Variants in ABCD3 observed in about 807,000 individuals in gnomAD.
ABCD3 encodes ATP-binding cassette sub-family D member 3.
ABCD3 carries 41 observed loss-of-function variants against 105.5 expected under a neutral mutation model. The ratio of observed to expected loss-of-function variants is 0.39; its 90% CI spans 0.30 to 0.50. The LOEUF is 0.50. Ranked by LOEUF, ABCD3 falls within the 20% of genes least tolerant of loss-of-function variation. The probability of loss-of-function intolerance (pLI) is 0.84; values close to 1 mark genes in which losing one functional copy is unlikely to be tolerated. For missense variants in ABCD3, 622 were observed against 806.3 expected, an observed-to-expected ratio of 0.77 and a Z score of 2.77; for synonymous variants, 258 against 269.0, an observed-to-expected ratio of 0.96 and a Z score of 0.40.
chr1:94,438,855 C>G (rs935359089), intron 1 of ABCD3, among the ~76,000 whole-genome samples: 3 of 152,154 alleles, frequency 2.0e-5, no homozygotes, highest in African/African-American at 7.2e-5. Flanking sequence ...TCTATGTGCA[C>G]TGGGAAACCA....
chr1:94,455,925 A>G (rs1336095089), intron 1 of ABCD3: 3 of 932,834 alleles, frequency 3.2e-6, no homozygotes, highest in Non-Finnish European at 4.1e-6. Flanking sequence ...TGGCATTTTT[A>G]TTGAATACTA....
intron 1 of ABCD3, among the ~76,000 whole-genome samples, chr1:94,433,365 G>A (rs1197075423): frequency 1.3e-5 from 2 of 151,664 alleles, no homozygotes; most frequent in African/African-American, 2.4e-5. Context: ...TTTTGGCTAG[G>A]CTGGTCTGAA....
chr1:94,415,493 T>C (rs1246427117), upstream of ABCD3, among the ~76,000 whole-genome samples: 1 of 152,246 alleles, frequency 6.6e-6, no homozygotes, highest in Non-Finnish European at 1.5e-5. Context: ...GACATAGTGC[T>C]GAGGAATTTT....
chr1:94,441,372 T>G (rs555663150), intron 1 of ABCD3, among the ~76,000 whole-genome samples: 2 of 152,232 alleles, frequency 1.3e-5, no homozygotes, highest in Non-Finnish European at 2.9e-5. Context: ...TTGGTGAGGC[T>G]GTGAAGAAAC....
At chr1:94,475,803 T>C (rs1317765678) in intron 7 of ABCD3, 66 bp downstream of exon 7, 2 of 1,342,400 alleles carry the variant, frequency 1.5e-6, no homozygotes, top group African/African-American at 1.5e-5. Context: ...TAAGCAAATT[T>C]ATATAGAATT....
upstream of ABCD3, among the ~76,000 whole-genome samples, chr1:94,415,932 C>T (rs936126395): frequency 6.6e-6 from 1 of 152,078 alleles, no homozygotes; most frequent in Non-Finnish European, 1.5e-5. Flanking sequence ...TTAATGGGTT[C>T]CAGATTTGGT....
chr1:94,490,131 A>C (rs1234178533), intron 15 of ABCD3, among the ~76,000 whole-genome samples, 156 bp downstream of exon 15: 1 of 152,044 alleles, frequency 6.6e-6, no homozygotes, highest in Non-Finnish European at 1.5e-5. Context: ...TGTGTATATT[A>C]ATATTTAAAG....
At chr1:94,456,731 A>G (rs921327453) in intron 1 of ABCD3, among the ~76,000 whole-genome samples, 2 of 152,030 alleles carry the variant, frequency 1.3e-5, no homozygotes, top group Non-Finnish European at 2.9e-5. Context: ...TACCTCTTTG[A>G]GATACTGATT....
upstream of ABCD3, among the ~76,000 whole-genome samples, chr1:94,415,667 GAC>G (rs34083905): frequency 0.96 from 145,488 of 152,146 alleles, 69,956 homozygotes; most frequent in East Asian, 1. Context: ...GGGATTTTCA[GAC>G]ACAATATTCT....
At position 94,475,671 on chromosome 1, in the gene ABCD3, G is replaced by A. The variant is rs1203093425; in HGVS notation, c.561G>A (p.Gln187=). Residue 187 remains glutamine (Q), a synonymous_variant, in exon 7 of 23, where the codon CAG becomes CAA. Transcript: ENST00000370214. Reference sequence around the variant, plus strand: ...ACAACAGAATAGCTAATCCAGACCAGCTGCTTACACAAGATGTAGAAAAAT... The same window carrying A: ...ACAACAGAATAGCTAATCCAGACCAACTGCTTACACAAGATGTAGAAAAAT... ...NLDNRIANPD[Q]LLTQDVEKFC... 6.2e-7 allele frequency: 1 copy of A among 1,611,344 alleles called. No individual in the cohort carries two copies. Among genetic ancestry groups the A allele is most frequent in the African/African-American group, 1.3e-5 (1 of 74,830 alleles).
chr1:94,515,398 G>A (rs1234827374), intron 22 of ABCD3, among the ~76,000 whole-genome samples, 196 bp downstream of exon 22: 1 of 151,952 alleles, frequency 6.6e-6, no homozygotes, highest in African/African-American at 2.4e-5. Context: ...TGGTGTAACA[G>A]TTTTTCTCCA....
intron 1 of ABCD3, among the ~76,000 whole-genome samples, chr1:94,433,685 C>T (rs566466153): frequency 1.4e-4 from 20 of 141,760 alleles, no homozygotes; most frequent in Admixed American, 3.0e-4. Flanking sequence ...CTGGATCTGT[C>T]GCCTAGGCTT....
At chr1:94,515,004 T>G (rs1650855584) in intron 21 of ABCD3, 142 bp from the exon 22 acceptor site, 1 of 668,396 alleles carries the variant, frequency 1.5e-6, no homozygotes, top group Non-Finnish European at 2.7e-6. Context: ...ACATTTTGCA[T>G]CCAGTTGTAA....
At chr1:94,419,628 C>T (rs188272332) in intron 1 of ABCD3, among the ~76,000 whole-genome samples, 1 of 152,088 alleles carries the variant, frequency 6.6e-6, no homozygotes, top group African/African-American at 2.4e-5. Context: ...TGTTGCCTCC[C>T]GTGTTTGATT....
Position 94,460,855 on chromosome 1 carries a change from A to T in ABCD3, c.147+2212A>T, listed in dbSNP as rs541362983. Among the ~76,000 whole-genome samples, 9 of 152,216 alleles carry T rather than the reference A, an allele frequency of 5.9e-5. No homozygotes were observed. The South Asian group carries it at 1.9e-3, about 32-fold the overall frequency. On this transcript the variant is annotated intron_variant, in intron 2 of 22. Coordinates refer to ENST00000370214, the MANE Select transcript of ABCD3 (RefSeq NM_002858.4). ...CATATCTCCAGCTCCGTGATCTCTC[A>T]TGTCTAAGTTCTATCTGAGTAATCA...
At chr1:94,489,046 G>GT (rs998540456) in intron 13 of ABCD3, among the ~76,000 whole-genome samples, 9 of 152,058 alleles carry the variant, frequency 5.9e-5, no homozygotes, top group African/African-American at 2.2e-4. Flanking sequence ...ACCTCCCAAA[G>GT]TTTGCTTTAG....
At chr1:94,462,638 C>T (rs190828487) in intron 2 of ABCD3, among the ~76,000 whole-genome samples, 161 of 152,260 alleles carry the variant, frequency 1.1e-3, no homozygotes, top group Middle Eastern at 3.4e-3. Flanking sequence ...AGTGTTTCAA[C>T]GTTACTCTCT....
the ABCD3 span, among the ~76,000 whole-genome samples, chr1:94,388,642 T>C: frequency 3.9e-5 from 6 of 152,146 alleles, no homozygotes; most frequent in African/African-American, 1.2e-4. Flanking sequence ...AATATAGCAG[T>C]TCCTATTCAG....
At chr1:94,446,378 A>G (rs564432276) in intron 1 of ABCD3, among the ~76,000 whole-genome samples, 1 of 152,340 alleles carries the variant, frequency 6.6e-6, no homozygotes, top group African/African-American at 2.4e-5. Context: ...CAGCGGGGAC[A>G]ATAGGATTAC....
Sources: gnomAD v4.1 joint callset for allele counts (sites outside exome capture counted in the v4.1 genomes callset) on GRCh38, gnomAD v4.1.1 for gene constraint, MANE v1.5 for transcripts, NCBI Gene and HGNC (gene_info 2026-07-23, HGNC 2026-07-21) for gene names.